The following MYO9A variants were observed in gnomAD, a reference collection of about 807,000 sequenced individuals.
MYO9A encodes myosin IXA, also known as unconventional myosin-IXa.
MYO9A carries 103 observed loss-of-function variants against 293.3 expected under a neutral mutation model. The ratio of observed to expected loss-of-function variants is 0.35; its 90% CI spans 0.30 to 0.41. The LOEUF (loss-of-function observed/expected upper bound fraction) is 0.41, where lower values mean the gene tolerates loss of function less well. Among genes scored for constraint, MYO9A ranks in the 10% least tolerant of loss-of-function variants. The pLI, the probability that MYO9A is intolerant of heterozygous loss-of-function variation, is 1.00. For synonymous variants in MYO9A, 1,001 were observed against 1,035.7 expected (o/e 0.97, Z 0.64); for missense variants, 2,685 against 3,033.0 (o/e 0.89, Z 2.69).
chr15:71,888,866 T>C (rs1037959937), intron 26 of MYO9A, among the ~76,000 whole-genome samples: 15 of 152,214 alleles, frequency 9.9e-5, no homozygotes, highest in African/African-American at 3.1e-4. Flanking sequence ...ATACCTTAAG[T>C]TGGCAAAGAT....
intron 13 of MYO9A, among the ~76,000 whole-genome samples, chr15:71,965,879 C>A (rs1453924761): frequency 6.6e-6 from 1 of 151,890 alleles, no homozygotes; most frequent in Non-Finnish European, 1.5e-5. Flanking sequence ...TTTTGTCCTA[C>A]AATTTTTTTT....
rs1220637336 is a variant in MYO9A at position 71,823,140 on chromosome 15, T to G, written c.*3440A>C. On this transcript the variant is annotated 3_prime_UTR_variant, in exon 42 of 42. Transcript: ENST00000356056. ...GATGAGGAAAGCCATGGAGTGAGTA[T>G]GTATGTTTCTTTTTAAAATGAAAAC... 6.6e-6 allele frequency: 1 copy of G among 151,600 alleles called. No homozygotes were observed. Among genetic ancestry groups the G allele is most frequent in the African/African-American group, 2.4e-5 (1 of 41,260 alleles). 9.4% of individuals were successfully genotyped at this position (151,600 alleles called of 1,614,324 possible). A position where few individuals can be genotyped will look rare whatever the true frequency, so the allele number is the denominator to read the frequency against.
At chr15:72,087,582 A>G (rs1459324684) in intron 1 of MYO9A, among the ~76,000 whole-genome samples, 1 of 152,132 alleles carries the variant, frequency 6.6e-6, no homozygotes, top group African/African-American at 2.4e-5. Flanking sequence ...GGTGCATAGT[A>G]GCCTTGTGCA....
chr15:71,942,831 T>C (rs2058813199), intron 15 of MYO9A, among the ~76,000 whole-genome samples: 1 of 152,038 alleles, frequency 6.6e-6, no homozygotes, highest in Non-Finnish European at 1.5e-5. Flanking sequence ...AATTGTTGCT[T>C]ATTTAGCTTT....
intron 39 of MYO9A, among the ~76,000 whole-genome samples, chr15:71,839,406 T>C (rs200086324): frequency 1.8e-4 from 28 of 152,030 alleles, no homozygotes; most frequent in Non-Finnish European, 2.6e-4. Context: ...CAGGTTTTTT[T>C]TTTCTTTCTT....
intron 4 of MYO9A, among the ~76,000 whole-genome samples, chr15:72,023,096 G>A (rs573012385): frequency 1.3e-5 from 2 of 152,074 alleles, no homozygotes; most frequent in South Asian, 4.1e-4. Flanking sequence ...CTAATATACA[G>A]GACTTTAAAG....
In MYO9A at chr15:71,975,486, T is replaced by C. The variant is rs117349522; in HGVS notation, c.1844+2685A>G. 7.2e-4 allele frequency among the ~76,000 whole-genome samples: 110 copies of C among 151,850 alleles called. No individual in the cohort carries two copies. In the East Asian group the frequency reaches 0.019, roughly 26 times the overall value. ...TACCACAGCCCTTGGTGTAGTCTTT[T>C]GTTATAATGTTGGGGTGCTTTAGGT... On this transcript the variant is annotated intron_variant, in intron 12 of 41. Coordinates refer to ENST00000356056, the MANE Select transcript of MYO9A (RefSeq NM_006901.4).
chr15:71,891,019 C>G (rs1596119495), intron 26 of MYO9A: 1 of 152,118 alleles, frequency 6.6e-6, no homozygotes, highest in African/African-American at 2.4e-5. Context: ...GGAATATTCT[C>G]AAGATAAATA....
At chr15:72,051,002 C>T (rs2078543905) in intron 1 of MYO9A, among the ~76,000 whole-genome samples, 1 of 152,198 alleles carries the variant, frequency 6.6e-6, no homozygotes, top group Admixed American at 6.5e-5. Context: ...TTTTCTGACT[C>T]ACTCCTACAG....
chr15:72,025,369 CTT>C lies in MYO9A; in HGVS notation c.998+2360_998+2361del, dbSNP rs775882400. ...CCCAAAAAAACATTGAGCAAAAAAA[CTT>C]TTTTTTTGAGATGGAGTTTCGCACT... On this transcript the variant is annotated intron_variant, in intron 4 of 41. Transcript: ENST00000356056. 1.3e-4 allele frequency among the ~76,000 whole-genome samples: 20 copies of C among 151,314 alleles called. 1 individual carries two copies. Among genetic ancestry groups the C allele is most frequent in the Non-Finnish European group, 2.4e-4 (16 of 67,790 alleles).
At chr15:71,843,697 C>T (rs887781921) in intron 39 of MYO9A, among the ~76,000 whole-genome samples, 2 of 152,108 alleles carry the variant, frequency 1.3e-5, no homozygotes, top group African/African-American at 4.8e-5. Context: ...CACCGCATTG[C>T]CTAGGCTGGT....
chr15:72,008,928 CAA>C (rs1443166947), intron 7 of MYO9A, among the ~76,000 whole-genome samples: 2 of 151,996 alleles, frequency 1.3e-5, no homozygotes, highest in Non-Finnish European at 2.9e-5. Flanking sequence ...CCAACTAAAA[CAA>C]AGATATTGCT....
At chr15:71,851,061 C>G (rs2055627140) in intron 37 of MYO9A, among the ~76,000 whole-genome samples, 192 bp downstream of exon 37, 1 of 152,194 alleles carries the variant, frequency 6.6e-6, no homozygotes, top group South Asian at 2.1e-4. Context: ...GGCAGAAAAG[C>G]AACTGCCATG....
intron 19 of MYO9A, among the ~76,000 whole-genome samples, chr15:71,914,700 A>G (rs2057957374): frequency 6.6e-6 from 1 of 152,170 alleles, no homozygotes; most frequent in Admixed American, 6.5e-5. Flanking sequence ...TCAAAAATTA[A>G]CTCATTACTT....
intron 1 of MYO9A, among the ~76,000 whole-genome samples, chr15:72,067,362 T>G (rs2079052474): frequency 6.6e-6 from 1 of 151,986 alleles, no homozygotes; most frequent in South Asian, 2.1e-4. Flanking sequence ...CAGGCTGGAG[T>G]CCAGTGGCGC....
At chr15:72,072,920 T>C (rs543733409) in intron 1 of MYO9A, among the ~76,000 whole-genome samples, 1 of 152,272 alleles carries the variant, frequency 6.6e-6, no homozygotes, top group South Asian at 2.1e-4. Flanking sequence ...AAAAGACACC[T>C]TCACTCATAT....
chr15:72,078,662 T>C (rs1596524449), intron 1 of MYO9A, among the ~76,000 whole-genome samples: 1 of 152,022 alleles, frequency 6.6e-6, no homozygotes, highest in African/African-American at 2.4e-5. Context: ...AATAAAAAAA[T>C]AACTTTAAAA....
chr15:72,023,010 G>A (rs570736134), intron 4 of MYO9A, among the ~76,000 whole-genome samples: 8 of 152,190 alleles, frequency 5.3e-5, no homozygotes, highest in African/African-American at 1.4e-4. Flanking sequence ...TATTTTAAAC[G>A]TGTTCAATGA....
At chr15:71,839,533 C>T (rs2055068768) in intron 39 of MYO9A, among the ~76,000 whole-genome samples, 2 of 152,204 alleles carry the variant, frequency 1.3e-5, no homozygotes, top group African/African-American at 4.8e-5. Flanking sequence ...CTCAGTGTCC[C>T]CAATTCGTCG....
Sources: allele counts gnomAD v4.1 joint callset (sites outside exome capture counted in the v4.1 genomes callset), GRCh38; gene constraint gnomAD v4.1.1; transcripts MANE v1.5; gene names NCBI Gene and HGNC (gene_info 2026-07-23, HGNC 2026-07-21).